The following TRPM3 variants were observed in gnomAD, a reference collection of about 807,000 sequenced individuals.
The protein encoded by TRPM3 is long transient receptor potential channel 3.
A neutral mutation model predicts 181.2 loss-of-function variants in TRPM3; 77 were observed. The observed-to-expected ratio is 0.42, with a 90% CI of 0.35 to 0.51. The LOEUF (loss-of-function observed/expected upper bound fraction) is 0.51, where lower values mean the gene tolerates loss of function less well. TRPM3 is among the 20% of genes least tolerant of loss of function. TRPM3 has a pLI of 0.01. For missense variants in TRPM3, 1,759 were observed against 2,196.7 expected (o/e 0.80, Z 3.98); for synonymous variants, 745 against 796.4 (o/e 0.94, Z 1.09).
chr9:70,925,924 G>A (rs560514245), intron 1 of TRPM3, among the ~76,000 whole-genome samples: 1 of 151,022 alleles, frequency 6.6e-6, no homozygotes, highest in Admixed American at 6.6e-5. Flanking sequence ...CATCAGTCCA[G>A]ATGAGGACTG....
chr9:71,217,541 T>C (rs945548881), intron 1 of TRPM3, among the ~76,000 whole-genome samples: 2 of 152,220 alleles, frequency 1.3e-5, no homozygotes, highest in African/African-American at 2.4e-5. Context: ...TGCAGTACTG[T>C]GCTTATAATG....
chr9:70,697,982 T>C (rs961158340), intron 8 of TRPM3, among the ~76,000 whole-genome samples: 1 of 151,720 alleles, frequency 6.6e-6, no homozygotes, highest in East Asian at 1.9e-4. Flanking sequence ...CCGAGGAGGG[T>C]AGATCACCTG....
intron 6 of TRPM3, among the ~76,000 whole-genome samples, chr9:70,800,957 G>T (rs985517123): frequency 6.6e-6 from 1 of 152,144 alleles, no homozygotes; most frequent in Non-Finnish European, 1.5e-5. Flanking sequence ...CACACAACTA[G>T]TAAGTGTCAG....
intron 1 of TRPM3, among the ~76,000 whole-genome samples, chr9:71,176,916 A>G (rs1281031244): frequency 6.6e-6 from 1 of 152,048 alleles, no homozygotes; most frequent in Non-Finnish European, 1.5e-5. Flanking sequence ...AGGATCCCCA[A>G]CCCCTGGGCC....
intron 1 of TRPM3, among the ~76,000 whole-genome samples, chr9:71,231,431 A>T (rs1177512734): frequency 1.3e-5 from 2 of 152,218 alleles, no homozygotes; most frequent in African/African-American, 4.8e-5. Context: ...AAGCTAGAAC[A>T]TGAAAATATA....
intron 7 of TRPM3, chr9:70,776,452 T>C: frequency 1.4e-6 from 1 of 713,664 alleles, no homozygotes; most frequent in Non-Finnish European, 2.6e-6. Flanking sequence ...CTCTTCCTTT[T>C]TTCTTTCTCT....
At chr9:71,270,247 G>C (rs533521615) in intron 1 of TRPM3, among the ~76,000 whole-genome samples, 1 of 152,278 alleles carries the variant, frequency 6.6e-6, no homozygotes, top group Non-Finnish European at 1.5e-5. Context: ...CTACTCAGGA[G>C]GCTGAGGCAG....
chr9:71,427,668 C>A (rs903064175), intron 1 of TRPM3, among the ~76,000 whole-genome samples: 5 of 152,092 alleles, frequency 3.3e-5, no homozygotes, highest in African/African-American at 1.2e-4. Flanking sequence ...AACAGAAAAC[C>A]AAATACTGTA....
intron 1 of TRPM3, among the ~76,000 whole-genome samples, chr9:71,036,933 C>T (rs1044984750): frequency 1.3e-5 from 2 of 152,120 alleles, no homozygotes; most frequent in Non-Finnish European, 2.9e-5. Flanking sequence ...GGACAACCCA[C>T]TACAACATGA....
intron 1 of TRPM3, among the ~76,000 whole-genome samples, chr9:71,058,881 T>G (rs2060969116): frequency 6.6e-6 from 1 of 151,964 alleles, no homozygotes; most frequent in Admixed American, 6.6e-5. Context: ...GTATCCAGAC[T>G]ATAAAAGCTC....
intron 8 of TRPM3, among the ~76,000 whole-genome samples, chr9:70,689,037 T>C (rs998785143): frequency 2.0e-5 from 3 of 152,136 alleles, no homozygotes; most frequent in African/African-American, 7.2e-5. Flanking sequence ...TAAAAAGGAG[T>C]ACATTCAACA....
In TRPM3 at chr9:71,397,314, A is replaced by G. The variant is rs183926776; in HGVS notation, c.183+49339T>C. ...GCATATATTTTCCAATACTATTGTA[A>G]TATCTGTTTTTTTTAAAAGGGGCCT... On this transcript the variant is annotated intron_variant, in intron 1 of 24. Transcript: ENST00000357533. Among the ~76,000 whole-genome samples, 169 of 152,256 alleles carry G rather than the reference A, an allele frequency of 1.1e-3. 1 individual carries two copies. Among genetic ancestry groups the G allele is most frequent in the Middle Eastern group, 3.4e-3 (1 of 294 alleles).
intron 1 of TRPM3, among the ~76,000 whole-genome samples, chr9:70,891,456 T>C (rs1278151078): frequency 2.0e-5 from 3 of 152,168 alleles, no homozygotes; most frequent in Non-Finnish European, 2.9e-5. Context: ...AAAGATGCTT[T>C]TAGAGCTGAA....
At position 71,397,672 on chromosome 9, in the gene TRPM3, A is replaced by G. The variant is rs536774667; in HGVS notation, c.183+48981T>C. ...CCTATATCAGAGAAGCTTGAAATAA[A>G]TTTCAGATAAGATTATGCAATTTGA... is the stretch of plus-strand genomic sequence containing the variant. On this transcript the variant is annotated intron_variant, in intron 1 of 24. Transcript: ENST00000357533. 1.1e-4 allele frequency among the ~76,000 whole-genome samples: 16 copies of G among 152,334 alleles called. No homozygotes were observed. In the South Asian group the frequency reaches 1.7e-3, roughly 16 times the overall value.
intron 1 of TRPM3, among the ~76,000 whole-genome samples, chr9:71,215,804 T>C (rs2079828664): frequency 6.6e-6 from 1 of 152,192 alleles, no homozygotes; most frequent in African/African-American, 2.4e-5. Context: ...TCTAGGACCA[T>C]TCTGTTTGTG....
chr9:70,597,192 C>G (rs2059174004), intron 21 of TRPM3, among the ~76,000 whole-genome samples: 1 of 152,138 alleles, frequency 6.6e-6, no homozygotes, highest in African/African-American at 2.4e-5. Context: ...CCTGGCCTCC[C>G]AAAGTGCTAG....
At chr9:70,649,597 T>G (rs1326379513) in intron 9 of TRPM3, among the ~76,000 whole-genome samples, 1 of 152,104 alleles carries the variant, frequency 6.6e-6, no homozygotes, top group Non-Finnish European at 1.5e-5. Flanking sequence ...AATGAGATAC[T>G]ATCTGAAGCC....
At chr9:71,338,472 C>A (rs572953871) in intron 1 of TRPM3, among the ~76,000 whole-genome samples, 1 of 152,030 alleles carries the variant, frequency 6.6e-6, no homozygotes, top group Non-Finnish European at 1.5e-5. Flanking sequence ...GAAACAGACC[C>A]GGTTCCAAGG....
intron 1 of TRPM3, among the ~76,000 whole-genome samples, chr9:71,157,204 T>C (rs909175047): frequency 7.2e-5 from 11 of 152,056 alleles, no homozygotes; most frequent in African/African-American, 2.2e-4. Flanking sequence ...ACCTACACAA[T>C]GTTGAAGGAA....
Sources: gnomAD v4.1 joint callset for allele counts (sites outside exome capture counted in the v4.1 genomes callset) on GRCh38, gnomAD v4.1.1 for gene constraint, MANE v1.5 for transcripts, NCBI Gene and HGNC (gene_info 2026-07-23, HGNC 2026-07-21) for gene names.